The following RPS29 variants were observed in gnomAD, a reference collection of about 807,000 sequenced individuals.
RPS29 encodes small ribosomal subunit protein uS14.
For missense variants in RPS29, 60 were observed against 75.7 expected (o/e 0.79, Z 0.77); for synonymous variants, 37 against 26.9 (o/e 1.37, Z -1.16).
In RPS29 at chr14:49,586,063, G is replaced by A. The variant is rs201218026; in HGVS notation, c.63-14C>T. ...GAACAGACACGACTGTAAGAAAAGA[G>A]ACAGCGGTTTTGCAGGTCATAGAAA... On this transcript the variant is annotated splice_polypyrimidine_tract_variant and intron_variant, in intron 1 of 2. Coordinates refer to ENST00000245458, the MANE Select transcript of RPS29 (RefSeq NM_001032.5). 7.0e-5 allele frequency: 113 copies of A among 1,609,586 alleles called. 1 individual carries two copies. In the African/African-American group the frequency reaches 1.1e-3, roughly 16 times the overall value.
At chr14:49,594,736 T>A (rs1245415929) in intron 1 of RPS29, among the ~76,000 whole-genome samples, 1 of 152,234 alleles carries the variant, frequency 6.6e-6, no homozygotes, top group African/African-American at 2.4e-5. Flanking sequence ...ATGTCCTCCT[T>A]TGCACAGTTG....
downstream of RPS29, chr14:49,583,573 G>T (rs531669463): frequency 2.9e-6 from 4 of 1,389,854 alleles, no homozygotes; most frequent in African/African-American, 2.9e-5. Flanking sequence ...CTCATAAACT[G>T]AAGGGTTTTT....
At chr14:49,584,528 G>A (rs1881449022) in intron 2 of RPS29, among the ~76,000 whole-genome samples, 1 of 152,180 alleles carries the variant, frequency 6.6e-6, no homozygotes. Flanking sequence ...ACTCTGAGGG[G>A]TCAAGGCAGG....
At chr14:49,579,226 A>AT (rs1214179578), downstream of RPS29, among the ~76,000 whole-genome samples, 1 of 152,208 alleles carries the variant, frequency 6.6e-6, no homozygotes, top group Non-Finnish European at 1.5e-5. Context: ...TAAGGACACA[A>AT]TGAGAAGGCA....
At chr14:49,598,413 T>G (rs1475270791) in exon 1 of RPS29, 2 of 696,914 alleles carry the variant, frequency 2.9e-6, no homozygotes, top group Non-Finnish European at 5.2e-6. Context: ...CCATGAAAAA[T>G]TATTTGTTCA....
At position 49,583,578 on chromosome 14, in the gene RPS29, G is replaced by GT. The variant is rs1186663185; in HGVS notation, c.*88dup. The GT allele has an allele frequency of 1.4e-6, 2 of 1,443,500 alleles. No individual in the cohort carries two copies. The highest frequency in any genetic ancestry group is 1.9e-6 in the Non-Finnish European group (2 of 1,056,548). 89.4% of individuals were successfully genotyped at this position (1,443,500 alleles called of 1,614,324 possible). On this transcript the variant is annotated 3_prime_UTR_variant, in exon 3 of 3. Transcript: ENST00000245458. The stretch of plus-strand genomic sequence containing the variant: ...CATTAGAACACTCATAAACTGAAGG[G>GT]TTTTTTCAAATGTTTATTTTATATA...
At chr14:49,571,563 G>A (rs1256303342) in exon 3 of RPS29, 1 of 152,162 alleles carries the variant, frequency 6.6e-6, no homozygotes, top group Admixed American at 6.5e-5. Flanking sequence ...CATAGCTGGT[G>A]CTTTGAGTCA....
intron 1 of RPS29, 79 bp from the exon 2 acceptor site, chr14:49,586,128 C>A (rs1353919085): frequency 1.4e-6 from 2 of 1,438,744 alleles, no homozygotes; most frequent in Non-Finnish European, 9.8e-7. Flanking sequence ...ACCCGCATCC[C>A]GGGACTCCCA....
chr14:49,590,565 A>C (rs926260279), upstream of RPS29, among the ~76,000 whole-genome samples: 1 of 152,234 alleles, frequency 6.6e-6, no homozygotes, highest in African/African-American at 2.4e-5. Flanking sequence ...CTTTTCCTCT[A>C]AACTTTACAA....
downstream of RPS29, among the ~76,000 whole-genome samples, chr14:49,583,293 G>T (rs1881397518): frequency 2.0e-5 from 3 of 152,198 alleles, no homozygotes; most frequent in South Asian, 6.2e-4. Flanking sequence ...GCTCATGCCT[G>T]TAATCCCAGA....
At chr14:49,589,398 G>A (rs983301662), upstream of RPS29, among the ~76,000 whole-genome samples, 3 of 151,968 alleles carry the variant, frequency 2.0e-5, no homozygotes, top group African/African-American at 4.8e-5. Flanking sequence ...ATGTAAGATC[G>A]AAGCATTCTA....
At chr14:49,582,676 G>C (rs142071871), downstream of RPS29, among the ~76,000 whole-genome samples, 1 of 152,156 alleles carries the variant, frequency 6.6e-6, no homozygotes, top group East Asian at 1.9e-4. Flanking sequence ...CTTGGATTGC[G>C]TAGGGGCTCT....
intron 2 of RPS29, among the ~76,000 whole-genome samples, chr14:49,578,548 CAA>C (rs1260782750): frequency 4.9e-5 from 6 of 123,350 alleles, no homozygotes; most frequent in Non-Finnish European, 1.0e-4. Context: ...CAATATTTAC[CAA>C]AGCTTTCACT....
intron 1 of RPS29, chr14:49,597,626 A>G (rs1403023691): frequency 6.6e-6 from 1 of 151,734 alleles, no homozygotes; most frequent in Non-Finnish European, 1.5e-5. Context: ...CTAGATGTAC[A>G]TATAAGAATA....
chr14:49,576,314 G>A (rs894512757), exon 3 of RPS29: 2 of 151,850 alleles, frequency 1.3e-5, no homozygotes, highest in African/African-American at 4.8e-5. Context: ...TGTTGCCCAG[G>A]CTGGTCTGGA....
At position 49,576,123 on chromosome 14, in the gene RPS29, C is replaced by T. The variant is rs1229301414; in HGVS notation, c.*1689G>A. ...CCTGAGAAACAGCTAATAGTGCAGC[C>T]TTTTTTTTTTTTTTAAGTGATACAA... On this transcript the variant is annotated 3_prime_UTR_variant, in exon 3 of 3. Coordinates refer to the RPS29 transcript ENST00000396020. 4 of 146,062 alleles carry T rather than the reference C, an allele frequency of 2.7e-5. No homozygotes were observed. The East Asian group carries it at 8.1e-4, about 29-fold the overall frequency. The allele number at this position is 146,062 out of a possible 1,614,324, so 9.0% of individuals were successfully genotyped here.
chr14:49,592,818 G>T (rs546103759), intron 1 of RPS29, among the ~76,000 whole-genome samples: 19 of 151,728 alleles, frequency 1.3e-4, no homozygotes, highest in Admixed American at 3.3e-4. Flanking sequence ...TGAGACAGGA[G>T]AATCGTTTGA....
exon 3 of RPS29, chr14:49,575,498 A>T (rs1881155698): frequency 6.6e-6 from 1 of 152,240 alleles, no homozygotes; most frequent in African/African-American, 2.4e-5. Context: ...CAGAAGGTCC[A>T]GTCTGGAATC....
exon 3 of RPS29, chr14:49,573,908 C>T (rs1431477562): frequency 3.3e-5 from 5 of 152,164 alleles, no homozygotes; most frequent in Non-Finnish European, 7.4e-5. Flanking sequence ...CCAGGGTGAA[C>T]CAGACTCAGT....
Sources: allele counts gnomAD v4.1 joint callset (sites outside exome capture counted in the v4.1 genomes callset), GRCh38; gene constraint gnomAD v4.1.1; transcripts MANE v1.5; gene names NCBI Gene and HGNC (gene_info 2026-07-23, HGNC 2026-07-21).